The following CNTNAP5 variants were observed in gnomAD, a reference collection of about 807,000 sequenced individuals.
CNTNAP5 encodes the protein contactin-associated protein-like 5.
A neutral mutation model predicts 150.2 loss-of-function variants in CNTNAP5; 72 were observed. The observed-to-expected ratio is 0.48, with a 90% CI of 0.40 to 0.58. CNTNAP5 has a LOEUF of 0.58. CNTNAP5 is among the 20% of genes least tolerant of loss of function. The probability of loss-of-function intolerance (pLI) is 0.00; values close to 1 mark genes in which losing one functional copy is unlikely to be tolerated. For missense variants in CNTNAP5, 1,636 were observed against 1,626.2 expected (o/e 1.01, Z -0.10); for synonymous variants, 672 against 619.8 (o/e 1.08, Z -1.25).
intron 6 of CNTNAP5, among the ~76,000 whole-genome samples, chr2:124,461,871 A>AG (rs1693264428): frequency 2.4e-4 from 2 of 8,370 alleles, no homozygotes. Flanking sequence ...AAAAAAAAAA[A>AG]AGAAAAAAAA....
intron 3 of CNTNAP5, among the ~76,000 whole-genome samples, chr2:124,270,725 C>T (rs761087602): frequency 6.6e-6 from 1 of 151,936 alleles, no homozygotes; most frequent in South Asian, 2.1e-4. Flanking sequence ...GTGTTTTAGG[C>T]CAAGACAAAA....
intron 8 of CNTNAP5, among the ~76,000 whole-genome samples, chr2:124,512,378 G>A (rs1573426073): frequency 6.6e-6 from 1 of 152,012 alleles, no homozygotes; most frequent in Non-Finnish European, 1.5e-5. Flanking sequence ...ATCCAGAAGG[G>A]TGGGTGGGGG....
At chr2:124,707,146 A>AGAG (rs1679699238) in intron 13 of CNTNAP5, among the ~76,000 whole-genome samples, 5 of 41,766 alleles carry the variant, frequency 1.2e-4, no homozygotes, top group Non-Finnish European at 1.5e-4. Context: ...AAGAGGAAGA[A>AGAG]GAAGAAGAAG....
At chr2:124,052,178 A>T (rs1318995130) in intron 1 of CNTNAP5, among the ~76,000 whole-genome samples, 1 of 152,160 alleles carries the variant, frequency 6.6e-6, no homozygotes, top group Non-Finnish European at 1.5e-5. Context: ...TGCAGATAAC[A>T]TCTGGAGTAG....
At chr2:124,880,612 C>T (rs1677945624) in intron 21 of CNTNAP5, among the ~76,000 whole-genome samples, 1 of 152,034 alleles carries the variant, frequency 6.6e-6, no homozygotes, top group Non-Finnish European at 1.5e-5. Context: ...TGCTCCCTAA[C>T]ATTGTTTGTA....
chr2:124,110,905 G>A (rs761826618), intron 1 of CNTNAP5, among the ~76,000 whole-genome samples: 1 of 152,160 alleles, frequency 6.6e-6, no homozygotes, highest in Non-Finnish European at 1.5e-5. Context: ...CCAGAACGGG[G>A]AGCTGAGGCA....
chr2:124,527,153 G>A, intron 9 of CNTNAP5, 132 bp from the exon 10 acceptor site: 1 of 661,786 alleles, frequency 1.5e-6, no homozygotes, highest in Non-Finnish European at 2.6e-6. Flanking sequence ...GATTTATAAT[G>A]AAAAGGGTGT....
At chr2:124,719,272 C>T (rs1262074250) in intron 13 of CNTNAP5, among the ~76,000 whole-genome samples, 1 of 152,178 alleles carries the variant, frequency 6.6e-6, no homozygotes, top group Admixed American at 6.5e-5. Context: ...CCTACAACGA[C>T]CAGCAAATAA....
chr2:124,232,437 A>G (rs1232839816), intron 2 of CNTNAP5, among the ~76,000 whole-genome samples: 1 of 152,150 alleles, frequency 6.6e-6, no homozygotes, highest in Non-Finnish European at 1.5e-5. Context: ...TCATTTAAAC[A>G]TTGTGGACAT....
At chr2:124,140,007 C>G (rs967863568) in intron 1 of CNTNAP5, among the ~76,000 whole-genome samples, 9 of 152,226 alleles carry the variant, frequency 5.9e-5, no homozygotes, top group African/African-American at 2.2e-4. Context: ...GTTCCCTTTC[C>G]GAGTCAAAGA....
chr2:124,176,915 G>A (rs572153839), intron 1 of CNTNAP5, among the ~76,000 whole-genome samples: 2 of 146,846 alleles, frequency 1.4e-5, no homozygotes, highest in Non-Finnish European at 3.0e-5. Context: ...CATGATCTTG[G>A]CCCACTGCAA....
chr2:124,877,546 C>T (rs1165423262), intron 21 of CNTNAP5, among the ~76,000 whole-genome samples: 7 of 152,042 alleles, frequency 4.6e-5, no homozygotes, highest in Admixed American at 6.6e-5. Context: ...ACTTCAAATT[C>T]GTTCTCAAGC....
chr2:124,560,032 G>A (rs1401925021), intron 10 of CNTNAP5, among the ~76,000 whole-genome samples: 2 of 152,134 alleles, frequency 1.3e-5, no homozygotes, highest in Admixed American at 1.3e-4. Context: ...TGAGTTTCTA[G>A]TAAGTTAATA....
intron 19 of CNTNAP5, among the ~76,000 whole-genome samples, chr2:124,827,528 C>G (rs773602907): frequency 6.6e-6 from 1 of 152,164 alleles, no homozygotes; most frequent in Admixed American, 6.5e-5. Context: ...CTGTCATGTT[C>G]CTTGATGAGA....
intron 17 of CNTNAP5, among the ~76,000 whole-genome samples, chr2:124,783,485 T>C (rs1168565940): frequency 2.0e-5 from 3 of 152,206 alleles, no homozygotes. Flanking sequence ...TTTCAGCTTT[T>C]TTCTTTAAAA....
chr2:124,752,329 A>G (rs1680745758), intron 14 of CNTNAP5, among the ~76,000 whole-genome samples: 1 of 152,058 alleles, frequency 6.6e-6, no homozygotes, highest in Non-Finnish European at 1.5e-5. Flanking sequence ...CATTGGGACT[A>G]TAGGTGCATT....
chr2:124,482,813 C>T (rs962600112), intron 7 of CNTNAP5, among the ~76,000 whole-genome samples: 6 of 152,184 alleles, frequency 3.9e-5, no homozygotes, highest in African/African-American at 1.2e-4. Context: ...GAGGCGAATG[C>T]TGCAAAGGGT....
intron 3 of CNTNAP5, among the ~76,000 whole-genome samples, chr2:124,403,723 A>G (rs1207190095): frequency 2.6e-5 from 4 of 152,186 alleles, no homozygotes; most frequent in African/African-American, 9.6e-5. Flanking sequence ...AAATCGTATT[A>G]GTCCGGTCTC....
chr2:124,135,105 A>G (rs2104607841), intron 1 of CNTNAP5: 1 of 151,816 alleles, frequency 6.6e-6, no homozygotes, highest in South Asian at 2.1e-4. Context: ...AACAAGAAGT[A>G]AGAAAGCCTG....
Sources: allele counts gnomAD v4.1 joint callset (sites outside exome capture counted in the v4.1 genomes callset), GRCh38; gene constraint gnomAD v4.1.1; transcripts MANE v1.5; gene names NCBI Gene and HGNC (gene_info 2026-07-23, HGNC 2026-07-21).